TAP2: variants seen among roughly 807,000 people sequenced by gnomAD.
TAP2 encodes the protein antigen peptide transporter 2.
A neutral mutation model predicts 74.7 loss-of-function variants in TAP2; 49 were observed. The ratio of observed to expected loss-of-function variants is 0.66; its 90% CI spans 0.52 to 0.83. TAP2 has a LOEUF of 0.83. TAP2 is among the 40% of genes least tolerant of loss of function. The pLI, the probability that TAP2 is intolerant of heterozygous loss-of-function variation, is 0.00. For missense variants in TAP2, 739 were observed against 859.0 expected (o/e 0.86, Z 1.75); for synonymous variants, 306 against 368.4 (o/e 0.83, Z 1.94).
In TAP2 at chr6:32,835,613, G is replaced by C. The variant is rs765235652; in HGVS notation, c.739+30C>G. The C allele has an allele frequency of 6.8e-6, 11 of 1,612,870 alleles. No homozygotes were observed. The highest frequency in any genetic ancestry group is 9.3e-6 in the Non-Finnish European group (11 of 1,179,976). On this transcript the variant is annotated intron_variant, in intron 4 of 11. Transcript: ENST00000374897. The surrounding 1 kb of genome is among the most constrained non-coding windows in gnomAD (Gnocchi z 4.0). Reference sequence around the variant, plus strand: ...CACTGAGGGGCAAGGGATGTCCATGGGAATCTCAGACCTGGACTCCAGGCC... The same window carrying C: ...CACTGAGGGGCAAGGGATGTCCATGCGAATCTCAGACCTGGACTCCAGGCC...
In TAP2 at chr6:32,830,331, C is replaced by G. The variant is rs1421619062; in HGVS notation, c.1571G>C (p.Gly524Ala). 1.9e-6 allele frequency: 3 copies of G among 1,613,122 alleles called. No individual in the cohort carries two copies. The highest frequency in any genetic ancestry group is 1.7e-5 in the Admixed American group (1 of 60,032). ...ALLQNLYQPTGGQVLLDEKPI... is the reference protein window; with the variant it reads ...ALLQNLYQPTAGQVLLDEKPI... ...CTTTTCATCCAGCAGCACCTGTCCC[C>G]CTGTGGGCTGGTACAGATTCTGCAG... is the stretch of plus-strand genomic sequence containing the variant. The change falls in exon 9 of 12, where the codon GGG becomes GCG. Residue 524 changes from glycine to alanine, a missense_variant. Coordinates refer to ENST00000374897, the MANE Select transcript of TAP2 (RefSeq NM_001290043.2).
At chr6:32,823,564 A>T (rs1196186807), downstream of TAP2, among the ~76,000 whole-genome samples, 2 of 151,692 alleles carry the variant, frequency 1.3e-5, no homozygotes, top group African/African-American at 4.8e-5. Context: ...TTTGTTGAAA[A>T]TAATGAATAC....
At chr6:32,838,348 C>T (rs1046151924) in intron 1 of TAP2, 111 bp from the exon 2 acceptor site, 45 of 1,391,732 alleles carry the variant, frequency 3.2e-5, no homozygotes, top group Non-Finnish European at 3.9e-5. Flanking sequence ...TCATTTTATC[C>T]TATTCAACCC....
In TAP2 at chr6:32,835,618, C is replaced by A. The variant is rs1350701624; in HGVS notation, c.739+25G>T. On this transcript the variant is annotated intron_variant, in intron 4 of 11. Transcript: ENST00000374897. This position sits in a 1 kb window ranked among gnomAD's most constrained non-coding sequence, Gnocchi z 4.0. ...AGGGGCAAGGGATGTCCATGGGAAT[C>A]TCAGACCTGGACTCCAGGCCCCACC... is the stretch of plus-strand genomic sequence containing the variant. The A allele has an allele frequency of 1.2e-6, 2 of 1,612,960 alleles. No individual in the cohort carries two copies. Among genetic ancestry groups the A allele is most frequent in the African/African-American group, 2.7e-5 (2 of 74,920 alleles).
chr6:32,835,678 C>T lies in TAP2; in HGVS notation c.704G>A (p.Arg235His), dbSNP rs148976382. Residue 235 changes from arginine (R) to histidine (H), a missense_variant, in exon 4 of 12, where the codon CGC becomes CAC. Coordinates refer to ENST00000374897, the MANE Select transcript of TAP2 (RefSeq NM_001290043.2). This position sits in a 1 kb window ranked among gnomAD's most constrained non-coding sequence, Gnocchi z 4.0. ...IREQLFSSLL[R>H]QDLGFFQETK... is the part of the protein sequence containing the mutation. Reference sequence around the variant, plus strand: ...CTCCTGGAAGAAACCGAGGTCCTGGCGCAGCAGGGAGGAGAAAAGCTGCTC... The same window carrying T: ...CTCCTGGAAGAAACCGAGGTCCTGGTGCAGCAGGGAGGAGAAAAGCTGCTC... 1.8e-5 allele frequency: 29 copies of T among 1,612,918 alleles called. No individual in the cohort carries two copies. In the African/African-American group the frequency reaches 2.3e-4, roughly 13 times the overall value.
intron 2 of TAP2, 21 bp from the exon 3 acceptor site, chr6:32,837,672 A>G (rs562013061): frequency 6.2e-7 from 1 of 1,614,202 alleles, no homozygotes; most frequent in South Asian, 1.1e-5. Flanking sequence ...CATGAAAAAT[A>G]ACACAAGAAT....
At chr6:32,833,089 T>TAA (rs1769197890) in intron 5 of TAP2, among the ~76,000 whole-genome samples, 1 of 152,170 alleles carries the variant, frequency 6.6e-6, no homozygotes, top group East Asian at 1.9e-4. Flanking sequence ...CCCCAGTGTC[T>TAA]GAATCAGGAA....
intron 7 of TAP2, among the ~76,000 whole-genome samples, chr6:32,831,997 A>G (rs1769110899): frequency 6.6e-6 from 1 of 152,298 alleles, no homozygotes; most frequent in Non-Finnish European, 1.5e-5. Context: ...AGATGTTTGT[A>G]TTTTTAAGAA....
In TAP2 at chr6:32,828,514, C is replaced by G; in HGVS notation, c.*392G>C. On this transcript the variant is annotated 3_prime_UTR_variant, in exon 12 of 12. Transcript: ENST00000374897. Reference sequence around the variant, plus strand: ...TGAAACAATGGGTACTTTTACTTTTCTTCTTTGTACTTTTTTATATTGTCT... The same window carrying G: ...TGAAACAATGGGTACTTTTACTTTTGTTCTTTGTACTTTTTTATATTGTCT... 1.0e-6 allele frequency: 1 copy of G among 976,076 alleles called. No homozygotes were observed. Among genetic ancestry groups the G allele is most frequent in the Non-Finnish European group, 1.2e-6 (1 of 820,914 alleles). The allele number at this position is 976,076 out of a possible 1,614,324, so 60.5% of individuals were successfully genotyped here. A position where few individuals can be genotyped will look rare whatever the true frequency, so the allele number is the denominator to read the frequency against.
chr6:32,830,685 T>G lies in TAP2; in HGVS notation c.1394A>C (p.Gln465Pro). The stretch of plus-strand genomic sequence containing the variant: ...GACGTCTTGGAATTTCACAACCCCC[T>G]GCAGAGTGGTGGGGGCAAGCGTGCC... ...SPGTLAPTTL[Q>P]GVVKFQDVSF... is the part of the protein sequence containing the mutation. The change falls in exon 8 of 12, where the codon CAG becomes CCG. Residue 465 changes from glutamine (Q) to proline (P), a missense_variant. Coordinates refer to ENST00000374897, the MANE Select transcript of TAP2 (RefSeq NM_001290043.2). 2 of 1,613,090 alleles carry G rather than the reference T, an allele frequency of 1.2e-6. No individual in the cohort carries two copies. Among genetic ancestry groups the G allele is most frequent in the Non-Finnish European group, 1.7e-6 (2 of 1,180,030 alleles).
chr6:32,832,143 G>A lies in TAP2; in HGVS notation c.1272+190C>T, dbSNP rs1769119339. Among the ~76,000 whole-genome samples the A allele has an allele frequency of 6.6e-6, 1 of 152,158 alleles. No homozygotes were observed. Among genetic ancestry groups the A allele is most frequent in the Non-Finnish European group, 1.5e-5 (1 of 68,028 alleles). ...GTTGATCATTGTTAAAGCACAGGAT[G>A]TATACATGTGAGTTTGTAATATTAT... is the stretch of plus-strand genomic sequence containing the variant. On this transcript the variant is annotated intron_variant, in intron 7 of 11. Coordinates refer to ENST00000374897, the MANE Select transcript of TAP2 (RefSeq NM_001290043.2). The surrounding 1 kb of genome is among the most constrained non-coding windows in gnomAD (Gnocchi z 5.9).
rs1769541277 is a variant in TAP2, at chr6:32,838,008, T to G, written c.226A>C (p.Thr76Pro). The part of the protein sequence containing the change: ...LLPLCLATPL[T>P]VSLRALVAGA... ...GCGACCAGGGCTCTCAGGGAGACAG[T>G]CAGGGGGGTGGCCAGACAGAGCGGG... The change falls in exon 2 of 12, where the codon ACT becomes CCT. Residue 76 changes from threonine (T) to proline (P), a missense_variant. By Grantham distance (38) the Thr-to-Pro change is conservative. Transcript: ENST00000374897. 5.6e-6 allele frequency: 9 copies of G among 1,612,198 alleles called. No individual in the cohort carries two copies. The highest frequency in any genetic ancestry group is 7.6e-6 in the Non-Finnish European group (9 of 1,179,752).
Position 32,832,787 on chromosome 6 carries a change from G to C in TAP2, c.983C>G (p.Ala328Gly), listed in dbSNP as rs148663600. The change falls in exon 6 of 12, where the codon GCG becomes GGG. Residue 328 changes from alanine to glycine, a missense_variant. Coordinates refer to ENST00000374897, the MANE Select transcript of TAP2 (RefSeq NM_001290043.2). This position sits in a 1 kb window ranked among gnomAD's most constrained non-coding sequence, Gnocchi z 5.9. The stretch of plus-strand genomic sequence containing the variant: ...AACGGCTTCCCGCACCACCTGCCCC[G>C]CCCTGGCCACTGCATCCTGGATCTC... ...LREIQDAVARAGQVVREAVGG... is the reference protein window; with the variant it reads ...LREIQDAVARGGQVVREAVGG... 5.4e-4 allele frequency: 870 copies of C among 1,612,810 alleles called. 12 individuals carry two copies. In the South Asian group the frequency reaches 6.8e-3, roughly 13 times the overall value.
Position 32,827,193 on chromosome 6 carries a change from G to A in TAP2, c.*1713C>T. ...AACTACCTGCTGTTTCCAGGAATAT[G>A]AAGGTTTCTCTTTCCTAGAATAGCA... On this transcript the variant is annotated 3_prime_UTR_variant, in exon 12 of 12. Transcript: ENST00000374897. 1 of 985,508 alleles carries A rather than the reference G, an allele frequency of 1.0e-6. No individual in the cohort carries two copies. Among genetic ancestry groups the A allele is most frequent in the South Asian group, 4.7e-5 (1 of 21,288 alleles). 61.0% of individuals were successfully genotyped at this position (985,508 alleles called of 1,614,324 possible).
In TAP2 at chr6:32,828,761, CT is replaced by C. The variant is rs1202208937; in HGVS notation, c.*144del. On this transcript the variant is annotated 3_prime_UTR_variant, in exon 12 of 12. Coordinates refer to ENST00000374897, the MANE Select transcript of TAP2 (RefSeq NM_001290043.2). ...CATCGTGCCTGCAACTCAGGAACAGCTATCTGGCCGCACAGCTCTAGGGAAA... is the reference window on the plus strand; with the variant it reads ...CATCGTGCCTGCAACTCAGGAACAGCATCTGGCCGCACAGCTCTAGGGAAA... The C allele has an allele frequency of 1.4e-5, 16 of 1,176,724 alleles. No homozygotes were observed. Among genetic ancestry groups the C allele is most frequent in the Non-Finnish European group, 1.7e-5 (16 of 939,326 alleles). 72.9% of individuals were successfully genotyped at this position (1,176,724 alleles called of 1,614,324 possible).
At chr6:32,838,315 C>T in intron 1 of TAP2, 78 bp from the exon 2 acceptor site, 2 of 1,474,820 alleles carry the variant, frequency 1.4e-6, no homozygotes, top group East Asian at 2.3e-5. Context: ...CGCCCGGCTC[C>T]GCCTAACCCG....
intron 5 of TAP2, among the ~76,000 whole-genome samples, chr6:32,834,653 T>C (rs1043684228): frequency 6.6e-6 from 1 of 152,376 alleles, no homozygotes; most frequent in South Asian, 2.1e-4. Context: ...TTTTATGTTA[T>C]GTATGTTTTA....
Position 32,826,849 on chromosome 6 carries a change from T to A in TAP2, c.*2057A>T, listed in dbSNP as rs368575849. ...AAATCAAAGAATTTCTCAGATCATC[T>A]TCTTCTGTGAGGGCTGCAGCTTCCA... On this transcript the variant is annotated 3_prime_UTR_variant, in exon 12 of 12. Coordinates refer to ENST00000374897, the MANE Select transcript of TAP2 (RefSeq NM_001290043.2). The A allele has an allele frequency of 4.1e-6, 4 of 985,334 alleles. No individual in the cohort carries two copies. The highest frequency in any genetic ancestry group is 2.3e-4 in the East Asian group (2 of 8,838). The allele number at this position is 985,334 out of a possible 1,614,324, so 61.0% of individuals were successfully genotyped here. A position where few individuals can be genotyped will look rare whatever the true frequency, so the allele number is the denominator to read the frequency against.
In TAP2 at chr6:32,835,891, G is replaced by C; in HGVS notation, c.609-118C>G. The C allele has an allele frequency of 7.6e-7, 1 of 1,318,264 alleles. No individual in the cohort carries two copies. The highest frequency in any genetic ancestry group is 1.1e-6 in the Non-Finnish European group (1 of 925,678). The allele number at this position is 1,318,264 out of a possible 1,614,324, so 81.7% of individuals were successfully genotyped here. A position where few individuals can be genotyped will look rare whatever the true frequency, so the allele number is the denominator to read the frequency against. On this transcript the variant is annotated intron_variant, in intron 3 of 11. Coordinates refer to ENST00000374897, the MANE Select transcript of TAP2 (RefSeq NM_001290043.2). The surrounding 1 kb of genome is among the most constrained non-coding windows in gnomAD (Gnocchi z 4.0). ...GCAAAGTCAGGGGAAAGCATGCCAG[G>C]AGGGGCAAAAGAGAAAGAAATGAGA...
Sources: gnomAD v4.1 joint callset for allele counts (sites outside exome capture counted in the v4.1 genomes callset) on GRCh38, gnomAD v4.1.1 for gene constraint, Gnocchi (gnomAD v3.1) non-coding constraint, MANE v1.5 for transcripts, NCBI Gene and HGNC (gene_info 2026-07-23, HGNC 2026-07-21) for gene names.